TAFA1: variants seen among roughly 807,000 people sequenced by gnomAD.
The protein encoded by TAFA1 is chemokine-like protein TAFA-1.
A neutral mutation model predicts 18.5 loss-of-function variants in TAFA1; 4 were observed. That is an observed-to-expected ratio of 0.22 (90% CI 0.11 to 0.49). The LOEUF (loss-of-function observed/expected upper bound fraction) is 0.49. Ranked by LOEUF, TAFA1 falls within the 20% of genes least tolerant of loss-of-function variation. The probability of loss-of-function intolerance (pLI) is 0.98; values close to 1 mark genes in which losing one functional copy is unlikely to be tolerated. For missense variants in TAFA1, 147 were observed against 169.0 expected (o/e 0.87, Z 0.72); for synonymous variants, 56 against 55.2 (o/e 1.01, Z -0.06).
At chr3:68,164,629 ACG>A (rs1491090167) in intron 2 of TAFA1, among the ~76,000 whole-genome samples, 151 of 41,408 alleles carry the variant, frequency 3.6e-3, no homozygotes, top group African/African-American at 0.01. Flanking sequence ...TCCTTTTGCA[ACG>A]TGTGTGTGTG....
At chr3:68,115,553 A>G (rs748765133) in intron 2 of TAFA1, among the ~76,000 whole-genome samples, 19 of 152,212 alleles carry the variant, frequency 1.2e-4, no homozygotes, top group Non-Finnish European at 1.9e-4. Context: ...ATTTAATGGA[A>G]CAGGTTGAGG....
chr3:68,039,376 G>A (rs1705117015), intron 2 of TAFA1, among the ~76,000 whole-genome samples: 1 of 150,892 alleles, frequency 6.6e-6, no homozygotes, highest in Admixed American at 6.6e-5. Flanking sequence ...TAAGGGACAA[G>A]TACTCTTTAA....
At chr3:68,187,025 A>T (rs1261379295) in intron 2 of TAFA1, among the ~76,000 whole-genome samples, 1 of 151,850 alleles carries the variant, frequency 6.6e-6, no homozygotes, top group Non-Finnish European at 1.5e-5. Flanking sequence ...TCCCATCTTT[A>T]AGTTTATATT....
chr3:68,171,841 G>A (rs1181673071), intron 2 of TAFA1, among the ~76,000 whole-genome samples: 1 of 151,736 alleles, frequency 6.6e-6, no homozygotes, highest in Non-Finnish European at 1.5e-5. Context: ...CTACTGGAGG[G>A]GACAAAAGAA....
At chr3:68,014,780 A>G (rs1485563631) in intron 2 of TAFA1, among the ~76,000 whole-genome samples, 1 of 152,214 alleles carries the variant, frequency 6.6e-6, no homozygotes, top group African/African-American at 2.4e-5. Flanking sequence ...AGCAAACACC[A>G]TCATGGACCA....
intron 2 of TAFA1, among the ~76,000 whole-genome samples, chr3:68,054,244 G>A (rs1245539392): frequency 6.6e-6 from 1 of 152,122 alleles, no homozygotes; most frequent in African/African-American, 2.4e-5. Context: ...GTGAGTAGAT[G>A]AATGTCTTCC....
intron 2 of TAFA1, among the ~76,000 whole-genome samples, chr3:68,095,227 C>T (rs1414416805): frequency 2.0e-5 from 3 of 152,146 alleles, no homozygotes. Context: ...TCTCTCATTT[C>T]TGACATCCCA....
intron 3 of TAFA1, among the ~76,000 whole-genome samples, chr3:68,524,819 C>T (rs375794392): frequency 3.3e-5 from 5 of 151,928 alleles, no homozygotes; most frequent in Non-Finnish European, 5.9e-5. Flanking sequence ...TACAGGCGCC[C>T]GCCACCACCC....
chr3:68,057,891 A>G (rs1376120293), intron 2 of TAFA1, among the ~76,000 whole-genome samples: 1 of 152,196 alleles, frequency 6.6e-6, no homozygotes, highest in Non-Finnish European at 1.5e-5. Context: ...AAGGCAAACA[A>G]TGGATTCTCC....
rs1412143326 is a variant in TAFA1 at position 68,538,810 on chromosome 3, A to G, written c.314A>G (p.Glu105Gly). 6.2e-7 allele frequency: 1 copy of G among 1,613,606 alleles called. No homozygotes were observed. The highest frequency in any genetic ancestry group is 8.5e-7 in the Non-Finnish European group (1 of 1,179,664). The change falls in exon 4 of 5, where the codon GAA (glutamate) becomes GGA (glycine). Residue 105 changes from glutamate (E) to glycine (G), a missense_variant. Glu to Gly is a moderately conservative substitution (Grantham distance 98). Coordinates refer to ENST00000478136, the MANE Select transcript of TAFA1 (RefSeq NM_213609.4). The stretch of plus-strand genomic sequence containing the variant: ...GAGATGGAGCCTTGCCTAGAAGGAG[A>G]AGAATGTAAGACACTCCCTGACAAT... The part of the protein sequence containing the change: ...WCEMEPCLEG[E>G]ECKTLPDNSG...
chr3:68,149,959 C>A (rs1485820881), intron 2 of TAFA1, among the ~76,000 whole-genome samples: 2 of 152,276 alleles, frequency 1.3e-5, no homozygotes, highest in African/African-American at 4.8e-5. Flanking sequence ...TAAGGTCCAC[C>A]TCCACCTGAA....
At chr3:68,239,927 T>G (rs1344412456) in intron 2 of TAFA1, among the ~76,000 whole-genome samples, 2 of 152,210 alleles carry the variant, frequency 1.3e-5, no homozygotes, top group Non-Finnish European at 2.9e-5. Flanking sequence ...TAAATGGTGT[T>G]TATACATAAT....
At chr3:68,474,861 C>T (rs115774902) in intron 3 of TAFA1, among the ~76,000 whole-genome samples, 4,753 of 152,210 alleles carry the variant, frequency 0.031, 135 homozygotes, top group Non-Finnish European at 0.039. Flanking sequence ...ATAACTTTGA[C>T]TACCAGGACA....
At chr3:68,250,545 A>G (rs2067175108) in intron 2 of TAFA1, among the ~76,000 whole-genome samples, 1 of 152,114 alleles carries the variant, frequency 6.6e-6, no homozygotes, top group African/African-American at 2.4e-5. Flanking sequence ...TAGGAATAAC[A>G]CACAATACTC....
At chr3:68,363,956 A>G (rs768942665) in intron 2 of TAFA1, among the ~76,000 whole-genome samples, 18 of 152,204 alleles carry the variant, frequency 1.2e-4, no homozygotes, top group Non-Finnish European at 1.8e-4. Flanking sequence ...TCAACATGCC[A>G]TGAAAAACTG....
intron 2 of TAFA1, among the ~76,000 whole-genome samples, chr3:68,136,432 C>A (rs2106892614): frequency 6.6e-6 from 1 of 152,172 alleles, no homozygotes; most frequent in Middle Eastern, 3.4e-3. Context: ...TTCTGGAGAC[C>A]AGCAGAAATG....
chr3:68,056,567 A>G (rs1245428183), intron 2 of TAFA1, among the ~76,000 whole-genome samples: 2 of 152,220 alleles, frequency 1.3e-5, no homozygotes, highest in African/African-American at 4.8e-5. Context: ...GCCAATCAAT[A>G]AAAGAAACAT....
intron 2 of TAFA1, among the ~76,000 whole-genome samples, chr3:68,023,467 T>C (rs1012499168): frequency 2.6e-5 from 4 of 152,062 alleles, no homozygotes; most frequent in African/African-American, 9.7e-5. Context: ...CTTAACCCGG[T>C]AGCAAGGGGC....
chr3:68,145,121 C>T (rs533558748), intron 2 of TAFA1: 30 of 968,400 alleles, frequency 3.1e-5, no homozygotes, highest in African/African-American at 8.0e-5. Context: ...GTATGGTCAG[C>T]GTCTAGCTTT....
Sources: allele counts gnomAD v4.1 joint callset (sites outside exome capture counted in the v4.1 genomes callset), GRCh38; gene constraint gnomAD v4.1.1; transcripts MANE v1.5; gene names NCBI Gene and HGNC (gene_info 2026-07-23, HGNC 2026-07-21).